Variants in RBM6 observed in about 807,000 individuals in gnomAD.
The protein encoded by RBM6 is RNA-binding protein 6.
Under a neutral mutation model 140.4 loss-of-function variants are expected in RBM6, and 23 were observed. The observed-to-expected ratio is 0.16, with a 90% CI of 0.12 to 0.23. The LOEUF (loss-of-function observed/expected upper bound fraction) is 0.23, where lower values mean the gene tolerates loss of function less well. Among genes scored for constraint, RBM6 ranks in the 10% least tolerant of loss-of-function variants. The pLI, the probability that RBM6 is intolerant of heterozygous loss-of-function variation, is 1.00. For synonymous variants in RBM6, 439 were observed against 475.6 expected (o/e 0.92, Z 1.00); for missense variants, 1,139 against 1,386.7 (o/e 0.82, Z 2.84).
At chr3:50,018,970 T>C (rs2087336030) in intron 6 of RBM6, among the ~76,000 whole-genome samples, 1 of 152,138 alleles carries the variant, frequency 6.6e-6, no homozygotes, top group African/African-American at 2.4e-5. Context: ...CTACCAGCAA[T>C]GAATTAGAGT....
Position 50,061,463 on chromosome 3 carries a change from A to G in RBM6, c.2355A>G (p.Ser785=), listed in dbSNP as rs143561271. The part of the protein sequence containing the change: ...SSDTNRQGQQ[S]SSDCYIYDSA... The stretch of plus-strand genomic sequence containing the variant: ...TGGCTCTGATCTTGTTACCTTTAGC[A>G]TCATCTGACTGCTACATATATGATT... The change falls in exon 14 of 21, where the codon TCA becomes TCG. Residue 785 remains serine (S), a splice_region_variant and synonymous_variant. Coordinates refer to ENST00000266022, the MANE Select transcript of RBM6 (RefSeq NM_005777.3). 2 of 1,591,462 alleles carry G rather than the reference A, an allele frequency of 1.3e-6. No individual in the cohort carries two copies. Among genetic ancestry groups the G allele is most frequent in the East Asian group, 2.2e-5 (1 of 44,792 alleles).
At chr3:50,016,254 CAT>C (rs769224629) in intron 6 of RBM6, among the ~76,000 whole-genome samples, 3 of 152,158 alleles carry the variant, frequency 2.0e-5, no homozygotes, top group South Asian at 2.1e-4. Flanking sequence ...TGTTTTTCCA[CAT>C]GTCGCAAATG....
Position 49,967,573 on chromosome 3 carries a change from A to G in RBM6, c.148A>G (p.Arg50Gly). 6.2e-7 allele frequency: 1 copy of G among 1,614,158 alleles called. No individual in the cohort carries two copies. Among genetic ancestry groups the G allele is most frequent in the Non-Finnish European group, 8.5e-7 (1 of 1,180,024 alleles). Residue 50 changes from arginine (R) to glycine (G), a missense_variant, in exon 3 of 21, where the codon AGA (arginine) becomes GGA (glycine). Transcript: ENST00000266022. The surrounding 1 kb of genome is among the most constrained non-coding windows in gnomAD (Gnocchi z 4.0). ...QERHSGNFPG[R>G]DSLPFDFQGH... ...GAGACACTCTGGCAACTTTCCTGGCAGAGATTCACTTCCCTTTGATTTCCA... is the reference window on the plus strand; with the variant it reads ...GAGACACTCTGGCAACTTTCCTGGCGGAGATTCACTTCCCTTTGATTTCCA...
rs1439558901 is a variant in RBM6 at position 49,960,910 on chromosome 3, CT to C, written c.-66-1647del. On this transcript the variant is annotated intron_variant, in intron 1 of 20. Coordinates refer to ENST00000266022, the MANE Select transcript of RBM6 (RefSeq NM_005777.3). Reference sequence around the variant, plus strand: ...GAAAAGTTTATGGTGCCCAGAGTACCTTTTTTTTTTTTTTTTTTTGAGACAG... The same window carrying C: ...GAAAAGTTTATGGTGCCCAGAGTACCTTTTTTTTTTTTTTTTTTGAGACAG... Among the ~76,000 whole-genome samples, 300 of 132,274 alleles carry C rather than the reference CT, an allele frequency of 2.3e-3. 1 individual carries two copies. The highest frequency in any genetic ancestry group is 7.8e-3 in the Middle Eastern group (2 of 256). 86.8% of individuals were successfully genotyped at this position (132,274 alleles called of 152,430 possible). A position where few individuals can be genotyped will look rare whatever the true frequency, so the allele number is the denominator to read the frequency against.
At chr3:50,047,034 C>A in intron 6 of RBM6, 1 of 323,340 alleles carries the variant, frequency 3.1e-6, no homozygotes, top group Non-Finnish European at 4.5e-6. Context: ...GCCTTGAGAA[C>A]AAGCCAGGGA....
At chr3:50,053,029 G>GTT (rs1559634640) in intron 7 of RBM6, among the ~76,000 whole-genome samples, 1 of 126,296 alleles carries the variant, frequency 7.9e-6, no homozygotes, top group East Asian at 2.0e-4. Context: ...GTGTGTGTGT[G>GTT]TGTGTGTTTA....
intron 3 of RBM6, 122 bp from the exon 4 acceptor site, chr3:49,971,937 T>C: frequency 1.4e-6 from 1 of 700,912 alleles, no homozygotes; most frequent in Non-Finnish European, 2.4e-6. Flanking sequence ...AAATTGTAAT[T>C]TTTTATATCT....
chr3:50,051,309 C>G (rs2089456191), intron 7 of RBM6, among the ~76,000 whole-genome samples: 2 of 152,212 alleles, frequency 1.3e-5, no homozygotes, highest in African/African-American at 4.8e-5. Context: ...CACTGTACTT[C>G]AGTACTCCAT....
chr3:49,992,844 G>T (rs2085888985), intron 5 of RBM6, among the ~76,000 whole-genome samples: 1 of 152,194 alleles, frequency 6.6e-6, no homozygotes, highest in Non-Finnish European at 1.5e-5. Context: ...TGTTCTGGTT[G>T]ATCCTTCTGT....
intron 3 of RBM6, among the ~76,000 whole-genome samples, chr3:49,970,055 C>T (rs1242323747): frequency 6.6e-6 from 1 of 152,118 alleles, no homozygotes; most frequent in African/African-American, 2.4e-5. Flanking sequence ...GTCTTCCTGC[C>T]TCAGCCTCCT....
chr3:49,979,398 T>G (rs938070577), intron 5 of RBM6, among the ~76,000 whole-genome samples: 1 of 152,030 alleles, frequency 6.6e-6, no homozygotes, highest in Non-Finnish European at 1.5e-5. Context: ...TTGTACACTT[T>G]AAAATGATGC....
At chr3:49,943,729 C>G (rs983629949) in intron 1 of RBM6, among the ~76,000 whole-genome samples, 3 of 152,174 alleles carry the variant, frequency 2.0e-5, no homozygotes, top group Non-Finnish European at 2.9e-5. Context: ...ACTGGTATTA[C>G]AGGCATGAGC....
chr3:50,075,443 G>C, intron 20 of RBM6, 113 bp downstream of exon 20: 2 of 1,393,406 alleles, frequency 1.4e-6, no homozygotes, highest in Non-Finnish European at 2.0e-6. Context: ...TCTACTGCTG[G>C]GATAGGACAT....
At chr3:49,974,899 C>T (rs890523103) in intron 4 of RBM6, among the ~76,000 whole-genome samples, 2 of 151,466 alleles carry the variant, frequency 1.3e-5, no homozygotes, top group Non-Finnish European at 2.9e-5. Flanking sequence ...GTTAGCCAGG[C>T]TGGTCTCGAA....
chr3:49,967,110 T>C lies in RBM6; in HGVS notation c.45-360T>C. The C allele has an allele frequency of 1.8e-6, 1 of 546,352 alleles. No individual in the cohort carries two copies. Among genetic ancestry groups the C allele is most frequent in the Non-Finnish European group, 2.4e-6 (1 of 414,416 alleles). The allele number at this position is 546,352 out of a possible 1,614,324, so 33.8% of individuals were successfully genotyped here. A position where few individuals can be genotyped will look rare whatever the true frequency, so the allele number is the denominator to read the frequency against. Reference sequence around the variant, plus strand: ...AATCGTCATGTTGACCTTGGAATTCTTAAGTTCCCTGGCTGTAGGAAATGG... The same window carrying C: ...AATCGTCATGTTGACCTTGGAATTCCTAAGTTCCCTGGCTGTAGGAAATGG... On this transcript the variant is annotated intron_variant, in intron 2 of 20. Coordinates refer to ENST00000266022, the MANE Select transcript of RBM6 (RefSeq NM_005777.3). This position sits in a 1 kb window ranked among gnomAD's most constrained non-coding sequence, Gnocchi z 4.0.
chr3:50,007,086 A>T (rs1288026753), intron 6 of RBM6, among the ~76,000 whole-genome samples: 1 of 151,642 alleles, frequency 6.6e-6, no homozygotes, highest in Non-Finnish European at 1.5e-5. Context: ...ATTTGGTGGC[A>T]GTGCCTAGGA....
chr3:50,002,241 C>T (rs2108743912), intron 6 of RBM6, among the ~76,000 whole-genome samples: 1 of 151,802 alleles, frequency 6.6e-6, no homozygotes, highest in South Asian at 2.1e-4. Context: ...ATATGCGCCA[C>T]CATGCTTGGG....
In RBM6 at chr3:49,993,303, A is replaced by G. The variant is rs528980433; in HGVS notation, c.1484-6137A>G. Among the ~76,000 whole-genome samples, 9 of 152,348 alleles carry G rather than the reference A, an allele frequency of 5.9e-5. No homozygotes were observed. The East Asian group carries it at 1.7e-3, about 29-fold the overall frequency. On this transcript the variant is annotated intron_variant, in intron 5 of 20. Coordinates refer to ENST00000266022, the MANE Select transcript of RBM6 (RefSeq NM_005777.3). ...AACAAACAAATTTTTTTCTTTAAAT[A>G]ACCAGTTGGCACAGATACAGAATAA... is the stretch of plus-strand genomic sequence containing the variant.
chr3:49,942,933 C>G (rs1234085260), intron 1 of RBM6, among the ~76,000 whole-genome samples: 1 of 152,170 alleles, frequency 6.6e-6, no homozygotes, highest in African/African-American at 2.4e-5. Context: ...AATCTCTAAT[C>G]TACTTTGTGT....
Sources: allele counts gnomAD v4.1 joint callset (sites outside exome capture counted in the v4.1 genomes callset), GRCh38; gene constraint gnomAD v4.1.1; non-coding constraint Gnocchi (gnomAD v3.1); transcripts MANE v1.5; gene names NCBI Gene and HGNC (gene_info 2026-07-23, HGNC 2026-07-21).